Variants in PDGFRL observed in about 807,000 individuals in gnomAD.
PDGFRL encodes platelet derived growth factor receptor like.
PDGFRL carries 46 observed loss-of-function variants against 37.2 expected under a neutral mutation model. The observed-to-expected ratio is 1.24, with a 90% CI of 0.98 to 1.58. PDGFRL has a LOEUF of 1.58. PDGFRL is among the 40% of genes most tolerant of loss of function. The probability of loss-of-function intolerance (pLI) is 0.00; values close to 1 mark genes in which losing one functional copy is unlikely to be tolerated. For missense variants in PDGFRL, 692 were observed against 467.6 expected (o/e 1.48, Z -4.43); for synonymous variants, 251 against 184.3 (o/e 1.36, Z -2.93).
intron 4 of PDGFRL, among the ~76,000 whole-genome samples, chr8:17,629,996 C>G (rs1176613031): frequency 6.6e-6 from 1 of 152,166 alleles, no homozygotes; most frequent in Non-Finnish European, 1.5e-5. Flanking sequence ...ACTCCCCTCT[C>G]CTGTCCAGGA....
At chr8:17,595,738 A>T (rs1037675044) in intron 2 of PDGFRL, among the ~76,000 whole-genome samples, 1 of 152,094 alleles carries the variant, frequency 6.6e-6, no homozygotes, top group African/African-American at 2.4e-5. Context: ...TGGGTACCCC[A>T]GGTAGAGCTA....
chr8:17,609,971 G>C (rs1804372830), intron 2 of PDGFRL, among the ~76,000 whole-genome samples: 1 of 152,210 alleles, frequency 6.6e-6, no homozygotes, highest in African/African-American at 2.4e-5. Flanking sequence ...AACGTTGGCA[G>C]GAGGGAGATT....
upstream of PDGFRL, among the ~76,000 whole-genome samples, chr8:17,576,936 G>C (rs940190519): frequency 3.9e-5 from 6 of 152,064 alleles, no homozygotes; most frequent in African/African-American, 1.4e-4. Flanking sequence ...TGATAACCTT[G>C]GTGAAAACGC....
rs776933247 is a variant in PDGFRL at position 17,621,084 on chromosome 8, T to C, written c.387T>C (p.Thr129=). The C allele has an allele frequency of 2.5e-6, 4 of 1,610,370 alleles. No individual in the cohort carries two copies. Among genetic ancestry groups the C allele is most frequent in the Non-Finnish European group, 2.5e-6 (3 of 1,177,450 alleles). The change falls in exon 3 of 6, where the codon ACT becomes ACC. Residue 129 remains threonine, a synonymous_variant. Transcript: ENST00000251630. ...AGAATGAGCGCTACGGCCAGTTGAC[T>C]CTGGTCAACTCCACCTCGGCAGACA... is the stretch of plus-strand genomic sequence containing the variant. ...VKQNERYGQL[T]LVNSTSADTG... is the part of the protein sequence containing the mutation.
intron 1 of PDGFRL, among the ~76,000 whole-genome samples, chr8:17,586,282 C>T (rs537170072): frequency 6.6e-6 from 1 of 152,280 alleles, no homozygotes; most frequent in South Asian, 2.1e-4. Flanking sequence ...AACATCTCCT[C>T]ACCGAGGGGA....
intron 3 of PDGFRL, among the ~76,000 whole-genome samples, chr8:17,623,756 C>G (rs1339045640): frequency 1.3e-5 from 2 of 151,844 alleles, no homozygotes; most frequent in Admixed American, 1.3e-4. Context: ...CAGTTGTGCT[C>G]CCAGCTGCTC....
chr8:17,583,802 T>TC (rs1491504509), intron 1 of PDGFRL, among the ~76,000 whole-genome samples: 29 of 150,924 alleles, frequency 1.9e-4, no homozygotes, highest in East Asian at 9.7e-4. Context: ...TCTCTCTCTC[T>TC]TGCTTCTTCT....
chr8:17,631,551 C>CT (rs1049656202), intron 4 of PDGFRL, among the ~76,000 whole-genome samples: 40 of 152,194 alleles, frequency 2.6e-4, no homozygotes, highest in African/African-American at 9.2e-4. Context: ...GCCCACCACT[C>CT]TTCCCCACTA....
intron 2 of PDGFRL, among the ~76,000 whole-genome samples, chr8:17,609,836 A>C (rs1213139770): frequency 3.3e-5 from 5 of 152,048 alleles, no homozygotes; most frequent in African/African-American, 1.2e-4. Flanking sequence ...GTAAACTCAA[A>C]TCAAGCCATA....
intron 2 of PDGFRL, among the ~76,000 whole-genome samples, chr8:17,593,994 A>T (rs911476928): frequency 5.3e-5 from 8 of 152,150 alleles, no homozygotes; most frequent in African/African-American, 1.7e-4. Context: ...TTCATCTTGC[A>T]TGGCCGAAAC....
intron 1 of PDGFRL, among the ~76,000 whole-genome samples, chr8:17,586,397 C>T (rs915255105): frequency 6.6e-6 from 1 of 152,112 alleles, no homozygotes; most frequent in African/African-American, 2.4e-5. Context: ...TCACATCAAA[C>T]AAAGAATCTC....
chr8:17,587,322 C>A (rs1445489631), intron 1 of PDGFRL, among the ~76,000 whole-genome samples: 3 of 152,106 alleles, frequency 2.0e-5, no homozygotes, highest in African/African-American at 7.2e-5. Context: ...CATAGATACA[C>A]AAGATGTGAT....
chr8:17,586,658 G>A (rs1238598477), intron 1 of PDGFRL, among the ~76,000 whole-genome samples: 2 of 149,354 alleles, frequency 1.3e-5, no homozygotes, highest in Admixed American at 6.6e-5. Context: ...AAAACAAATA[G>A]CACTTAGCTA....
intron 4 of PDGFRL, among the ~76,000 whole-genome samples, chr8:17,632,395 C>T (rs1187743449): frequency 2.0e-5 from 3 of 151,670 alleles, no homozygotes; most frequent in African/African-American, 7.3e-5. Flanking sequence ...GGCTGGAGTG[C>T]AGTGGTGTGA....
intron 2 of PDGFRL, among the ~76,000 whole-genome samples, chr8:17,615,113 A>C (rs147524595): frequency 3.3e-5 from 5 of 152,344 alleles, no homozygotes; most frequent in African/African-American, 1.2e-4. Context: ...CGGGATTGAG[A>C]AAAAGTAAAG....
intron 2 of PDGFRL, among the ~76,000 whole-genome samples, chr8:17,593,537 G>A (rs1271579523): frequency 6.6e-6 from 1 of 151,438 alleles, no homozygotes; most frequent in Non-Finnish European, 1.5e-5. Context: ...AGTCAACGCT[G>A]CAGTGAGCCG....
chr8:17,609,884 G>A (rs994432861), intron 2 of PDGFRL, among the ~76,000 whole-genome samples: 12 of 152,066 alleles, frequency 7.9e-5, no homozygotes, highest in Non-Finnish European at 1.8e-4. Flanking sequence ...CAAGAAAACA[G>A]TTTGTTTATT....
Position 17,642,946 on chromosome 8 carries a change from T to A in PDGFRL, c.*145T>A, listed in dbSNP as rs1406810840. 1.7e-6 allele frequency: 1 copy of A among 592,394 alleles called. No individual in the cohort carries two copies. The highest frequency in any genetic ancestry group is 3.0e-6 in the Non-Finnish European group (1 of 336,390). 36.7% of individuals were successfully genotyped at this position (592,394 alleles called of 1,614,324 possible). ...GCGTCTCGTGAGTCCGACCCAGACA[T>A]CCAAACTAAAAGGAAGTCATCCAGT... On this transcript the variant is annotated 3_prime_UTR_variant, in exon 6 of 6. Coordinates refer to ENST00000251630, the MANE Select transcript of PDGFRL (RefSeq NM_001372073.1).
Position 17,581,843 on chromosome 8 carries a change from G to A in PDGFRL, c.55+4536G>A, listed in dbSNP as rs375377055. Among the ~76,000 whole-genome samples the A allele has an allele frequency of 1.2e-4, 19 of 152,156 alleles. No homozygotes were observed. In the South Asian group the frequency reaches 2.7e-3, roughly 22 times the overall value. ...TTCTTTATAAACAACCCAGCCCTACGTATTCCTCTATAGCAATGCGAAATG... is the reference window on the plus strand; with the variant it reads ...TTCTTTATAAACAACCCAGCCCTACATATTCCTCTATAGCAATGCGAAATG... On this transcript the variant is annotated intron_variant, in intron 1 of 5. Transcript: ENST00000251630.
Sources: gnomAD v4.1 joint callset for allele counts (sites outside exome capture counted in the v4.1 genomes callset) on GRCh38, gnomAD v4.1.1 for gene constraint, MANE v1.5 for transcripts, NCBI Gene and HGNC (gene_info 2026-07-23, HGNC 2026-07-21) for gene names.